The following STK32B variants were observed in gnomAD, a reference collection of about 807,000 sequenced individuals.
STK32B encodes serine/threonine-protein kinase 32B.
A neutral mutation model predicts 52.6 loss-of-function variants in STK32B; 43 were observed. The observed-to-expected ratio is 0.82, with a 90% confidence interval of 0.64 to 1.05. The LOEUF (loss-of-function observed/expected upper bound fraction) is 1.05, where lower values mean the gene tolerates loss of function less well. STK32B is among the 50% of genes least tolerant of loss of function. The probability of loss-of-function intolerance (pLI) is 0.00; values close to 1 mark genes in which losing one functional copy is unlikely to be tolerated. For synonymous variants in STK32B, 238 were observed against 204.3 expected (o/e 1.17, Z -1.41); for missense variants, 621 against 534.6 (o/e 1.16, Z -1.59).
rs1726924273 is a variant in STK32B, at chr4:5,264,471, T to A, written c.261-66749T>A. The stretch of plus-strand genomic sequence containing the variant: ...GTATATGTCTAAGCCTTTTGCCTAT[T>A]TTTAAAACTTAAAAAAAAAAATTGT... On this transcript the variant is annotated intron_variant, in intron 3 of 11. Transcript: ENST00000282908. 4.8e-5 allele frequency among the ~76,000 whole-genome samples: 7 copies of A among 145,240 alleles called. No individual in the cohort carries two copies. In the South Asian group the frequency reaches 1.3e-3, roughly 27 times the overall value.
chr4:5,178,170 A>C (rs1361708793), intron 3 of STK32B, among the ~76,000 whole-genome samples: 3 of 152,216 alleles, frequency 2.0e-5, no homozygotes, highest in Non-Finnish European at 4.4e-5. Flanking sequence ...GTTTCTATAC[A>C]TCCTCTGAAA....
At chr4:5,490,441 T>C (rs1414007972) in intron 11 of STK32B, among the ~76,000 whole-genome samples, 4 of 152,158 alleles carry the variant, frequency 2.6e-5, no homozygotes, top group East Asian at 1.9e-4. Flanking sequence ...TCAACCAAAT[T>C]TGGGGTAAGG....
chr4:5,201,599 C>G (rs563871282), intron 3 of STK32B, among the ~76,000 whole-genome samples: 15 of 152,272 alleles, frequency 9.9e-5, no homozygotes, highest in Non-Finnish European at 2.1e-4. Flanking sequence ...CTATAAGGAG[C>G]TACCTGAGAC....
At chr4:5,322,529 A>G (rs950043959) in intron 3 of STK32B, among the ~76,000 whole-genome samples, 15 of 152,304 alleles carry the variant, frequency 9.8e-5, no homozygotes, top group African/African-American at 3.6e-4. Context: ...CCTGGCTGCC[A>G]AGATTTTCTG....
At chr4:5,249,929 G>A (rs10007289) in intron 3 of STK32B, among the ~76,000 whole-genome samples, 12,789 of 152,006 alleles carry the variant, frequency 0.084, 793 homozygotes, top group African/African-American at 0.17. Context: ...TCAAGGAGGC[G>A]CTGGTTTCAA....
chr4:5,351,485 A>C (rs1733822030), intron 4 of STK32B, among the ~76,000 whole-genome samples: 1 of 152,032 alleles, frequency 6.6e-6, no homozygotes, highest in Non-Finnish European at 1.5e-5. Context: ...GAAGTTTATA[A>C]CAATAAATGT....
chr4:5,108,500 A>T (rs1560155228), intron 1 of STK32B, among the ~76,000 whole-genome samples: 1 of 152,168 alleles, frequency 6.6e-6, no homozygotes, highest in Non-Finnish European at 1.5e-5. Context: ...GTTGGGAAAT[A>T]TTCCCCTTTT....
intron 6 of STK32B, among the ~76,000 whole-genome samples, chr4:5,418,768 A>C (rs1712375080): frequency 6.6e-6 from 1 of 152,236 alleles, no homozygotes; most frequent in Non-Finnish European, 1.5e-5. Context: ...GTGCCTTATA[A>C]GGCACTGTAT....
intron 1 of STK32B, among the ~76,000 whole-genome samples, chr4:5,138,462 T>C (rs1415659583): frequency 1.3e-5 from 2 of 152,192 alleles, no homozygotes; most frequent in Admixed American, 6.5e-5. Context: ...TTCAAAAATA[T>C]TTACCAAACA....
intron 3 of STK32B, among the ~76,000 whole-genome samples, chr4:5,194,637 T>C (rs2108768423): frequency 1.3e-5 from 2 of 152,358 alleles, no homozygotes; most frequent in Middle Eastern, 6.8e-3. Flanking sequence ...GAATTGTGTA[T>C]TAGGCAGTTC....
intron 1 of STK32B, among the ~76,000 whole-genome samples, chr4:5,054,359 G>C (rs950641630): frequency 8.5e-5 from 13 of 152,078 alleles, no homozygotes; most frequent in Non-Finnish European, 1.6e-4. Flanking sequence ...TGGGGGGAGG[G>C]ATCTGAAAAG....
chr4:5,101,548 G>A (rs896276314), intron 1 of STK32B, among the ~76,000 whole-genome samples: 1 of 152,144 alleles, frequency 6.6e-6, no homozygotes, highest in African/African-American at 2.4e-5. Flanking sequence ...AGAAGGGAAT[G>A]ATAGAAATTA....
At chr4:5,477,714 G>A (rs1718350336) in intron 11 of STK32B, among the ~76,000 whole-genome samples, 1 of 152,124 alleles carries the variant, frequency 6.6e-6, no homozygotes, top group Admixed American at 6.6e-5. Context: ...TTTGCCCTTG[G>A]GAATTACACG....
chr4:5,170,502 T>C (rs1719281889), intron 3 of STK32B, among the ~76,000 whole-genome samples: 1 of 151,892 alleles, frequency 6.6e-6, no homozygotes, highest in Non-Finnish European at 1.5e-5. Flanking sequence ...ATGTTCCCCT[T>C]CCTGTGTCCA....
At position 5,331,346 on chromosome 4, in the gene STK32B, G is replaced by C; in HGVS notation, c.387G>C (p.Glu129Asp). 1 of 1,613,842 alleles carries C rather than the reference G, an allele frequency of 6.2e-7. No individual in the cohort carries two copies. Among genetic ancestry groups the C allele is most frequent in the Non-Finnish European group, 8.5e-7 (1 of 1,179,860 alleles). ...GGACTGTGAAACTCTACATCTGTGA[G>C]CTGGCACTGGCCCTGGAGTATCTTC... ...TEGTVKLYIC[E>D]LALALEYLQR... is the part of the protein sequence containing the mutation. The change falls in exon 4 of 12, where the codon GAG becomes GAC. Residue 129 changes from glutamate to aspartate, a missense_variant. Coordinates refer to ENST00000282908, the MANE Select transcript of STK32B (RefSeq NM_018401.3).
intron 4 of STK32B, among the ~76,000 whole-genome samples, chr4:5,370,824 T>A (rs1577406620): frequency 1.3e-5 from 2 of 151,750 alleles, no homozygotes; most frequent in Non-Finnish European, 1.5e-5. Flanking sequence ...ATAAAAAAAA[T>A]TAGCCAGATG....
At chr4:5,335,076 G>A (rs1341938979) in intron 4 of STK32B, among the ~76,000 whole-genome samples, 2 of 152,114 alleles carry the variant, frequency 1.3e-5, no homozygotes, top group African/African-American at 2.4e-5. Context: ...TTGTACCTCT[G>A]GTAGAATTCG....
chr4:5,066,540 A>G (rs1312876266), intron 1 of STK32B, among the ~76,000 whole-genome samples: 1 of 152,212 alleles, frequency 6.6e-6, no homozygotes, highest in Non-Finnish European at 1.5e-5. Flanking sequence ...CATCCTTCAG[A>G]ACCCTGTATG....
At chr4:5,426,122 G>T (rs1713068702) in intron 6 of STK32B, among the ~76,000 whole-genome samples, 1 of 152,174 alleles carries the variant, frequency 6.6e-6, no homozygotes, top group Admixed American at 6.5e-5. Flanking sequence ...TTACCTAGAA[G>T]TGAGATTGCT....
Sources: allele counts gnomAD v4.1 joint callset (sites outside exome capture counted in the v4.1 genomes callset), GRCh38; gene constraint gnomAD v4.1.1; transcripts MANE v1.5; gene names NCBI Gene and HGNC (gene_info 2026-07-23, HGNC 2026-07-21).